Variants in DLG2 observed in about 807,000 individuals in gnomAD.
The protein encoded by DLG2 is disks large homolog 2.
Under a neutral mutation model 132.5 loss-of-function variants are expected in DLG2, and 45 were observed. That is an observed-to-expected ratio of 0.34 (90% CI 0.27 to 0.44). DLG2 has a LOEUF of 0.44. Ranked by LOEUF, DLG2 falls within the 20% of genes least tolerant of loss-of-function variation. DLG2 has a pLI of 1.00. For missense variants in DLG2, 1,045 were observed against 1,196.9 expected, an observed-to-expected ratio of 0.87 and a Z score of 1.87; for synonymous variants, 424 against 419.6, an observed-to-expected ratio of 1.01 and a Z score of -0.13.
At chr11:84,060,943 C>T (rs779672265) in intron 10 of DLG2, among the ~76,000 whole-genome samples, 14 of 152,288 alleles carry the variant, frequency 9.2e-5, no homozygotes, top group South Asian at 8.3e-4. Context: ...CCACAAACGC[C>T]GACCTAGCCT....
chr11:83,700,140 G>T (rs957958057), intron 18 of DLG2, among the ~76,000 whole-genome samples: 2 of 151,888 alleles, frequency 1.3e-5, no homozygotes, highest in Non-Finnish European at 2.9e-5. Context: ...GATAGCAATT[G>T]GTACATACCT....
intron 19 of DLG2, among the ~76,000 whole-genome samples, chr11:83,556,009 TC>T (rs1425207721): frequency 6.6e-6 from 1 of 152,184 alleles, no homozygotes; most frequent in Admixed American, 6.5e-5. Flanking sequence ...TGTCCCGAAC[TC>T]TAATTACAGG....
chr11:85,401,741 T>C (rs1050381174), intron 3 of DLG2, among the ~76,000 whole-genome samples: 1 of 152,088 alleles, frequency 6.6e-6, no homozygotes, highest in African/African-American at 2.4e-5. Context: ...CATTCACAAT[T>C]ACTACAAAGA....
intron 4 of DLG2, among the ~76,000 whole-genome samples, chr11:85,194,716 C>A (rs781126863): frequency 2.0e-5 from 3 of 151,904 alleles, no homozygotes; most frequent in Non-Finnish European, 4.4e-5. Flanking sequence ...TGTCCATCCT[C>A]CTGGCTAAGC....
At chr11:84,877,512 C>CTTTTTTTTTTTTTTTTTTTT (rs60339036) in intron 6 of DLG2, among the ~76,000 whole-genome samples, 1 of 57,452 alleles carries the variant, frequency 1.7e-5, no homozygotes, top group Non-Finnish European at 2.9e-5. Flanking sequence ...GCAACCCCTG[C>CTTTTTTTTTTTTTTTTTTTT]TTTTTTTTTT....
At chr11:83,963,872 A>G (rs1414721980) in intron 13 of DLG2, among the ~76,000 whole-genome samples, 3 of 151,996 alleles carry the variant, frequency 2.0e-5, no homozygotes, top group Non-Finnish European at 4.4e-5. Context: ...CTCATTCTGA[A>G]GATGCAACTG....
intron 3 of DLG2, among the ~76,000 whole-genome samples, chr11:85,551,446 G>A (rs938853652): frequency 6.6e-6 from 1 of 151,842 alleles, no homozygotes; most frequent in African/African-American, 2.4e-5. Context: ...AATTATAATT[G>A]TACCAATGTT....
chr11:84,328,318 C>A (rs2098442888), intron 7 of DLG2, among the ~76,000 whole-genome samples: 1 of 149,462 alleles, frequency 6.7e-6, no homozygotes, highest in Admixed American at 6.7e-5. Context: ...GAAGGGTGGG[C>A]AAGAAGAAGA....
intron 6 of DLG2, among the ~76,000 whole-genome samples, chr11:85,099,663 T>G (rs1029934743): frequency 2.6e-5 from 4 of 152,180 alleles, no homozygotes; most frequent in Admixed American, 2.0e-4. Context: ...TCAAGTGGGA[T>G]TATTCGCTTG....
At chr11:84,525,803 C>A (rs2099318510) in intron 7 of DLG2, among the ~76,000 whole-genome samples, 1 of 152,176 alleles carries the variant, frequency 6.6e-6, no homozygotes, top group Non-Finnish European at 1.5e-5. Context: ...CACTCTATGC[C>A]CCTTTCCTTA....
At chr11:83,694,635 T>C (rs895165084) in intron 18 of DLG2, among the ~76,000 whole-genome samples, 2 of 152,226 alleles carry the variant, frequency 1.3e-5, no homozygotes, top group Non-Finnish European at 2.9e-5. Flanking sequence ...CACGGTCCCA[T>C]TGTTTCTCTT....
Position 84,059,401 on chromosome 11 carries a change from G to A in DLG2, c.833C>T (p.Ala278Val). Residue 278 changes from alanine (A) to valine (V), a missense_variant, in exon 11 of 28, where the codon GCA becomes GTA. By Grantham distance (64) the Ala-to-Val change is moderately conservative (BLOSUM62 0). This residue lies in a region of DLG2 where 109 missense variants were observed against 159.1 expected (regional missense o/e 0.69). Coordinates refer to ENST00000376104, the MANE Select transcript of DLG2 (RefSeq NM_001142699.3). ...HSKAVEALKEAGSIVRLYVRR... is the reference protein window; with the variant it reads ...HSKAVEALKEVGSIVRLYVRR... ...CACATACAGCCGAACGATAGACCCT[G>A]CTTCCTTCAGGGCTTCCACCGCTTT... is the stretch of plus-strand genomic sequence containing the variant. The A allele has an allele frequency of 6.2e-7, 1 of 1,613,430 alleles. No individual in the cohort carries two copies. Among genetic ancestry groups the A allele is most frequent in the Non-Finnish European group, 8.5e-7 (1 of 1,179,720 alleles).
Position 85,011,634 on chromosome 11 carries a change from C to T in DLG2, c.357+100027G>A, listed in dbSNP as rs557577969. Among the ~76,000 whole-genome samples, 350 of 152,266 alleles carry T rather than the reference C, an allele frequency of 2.3e-3. 1 individual carries two copies. Among genetic ancestry groups the T allele is most frequent in the Non-Finnish European group, 3.3e-3 (222 of 68,006 alleles). On this transcript the variant is annotated intron_variant, in intron 6 of 27. Transcript: ENST00000376104. ...CTCAGTTTCTCCATATGTTAAATAACGCAGTTGAGTTAAATTATTCTTAAT... is the reference window on the plus strand; with the variant it reads ...CTCAGTTTCTCCATATGTTAAATAATGCAGTTGAGTTAAATTATTCTTAAT...
rs562127675 is a variant in DLG2 at position 85,051,951 on chromosome 11, T to A, written c.357+59710A>T. 1.1e-4 allele frequency among the ~76,000 whole-genome samples: 17 copies of A among 152,286 alleles called. No homozygotes were observed. In the East Asian group the frequency reaches 2.5e-3, roughly 22 times the overall value. ...AATGTAGTAGCTTTTGTGCTGTAGG[T>A]CTTATCAATCAAAGTGATTAGTAGG... On this transcript the variant is annotated intron_variant, in intron 6 of 27. Transcript: ENST00000376104.
At chr11:84,979,625 G>T (rs1206614189) in intron 6 of DLG2, among the ~76,000 whole-genome samples, 2 of 151,404 alleles carry the variant, frequency 1.3e-5, no homozygotes, top group African/African-American at 2.4e-5. Flanking sequence ...TTGGACACAG[G>T]AAGGGGAACG....
chr11:85,430,287 G>C (rs1448240447), intron 3 of DLG2, among the ~76,000 whole-genome samples: 1 of 151,450 alleles, frequency 6.6e-6, no homozygotes, highest in Non-Finnish European at 1.5e-5. Context: ...CACCAACATG[G>C]CACATATATA....
At chr11:83,820,121 TTCAA>T (rs2050342530) in intron 17 of DLG2, among the ~76,000 whole-genome samples, 3 of 152,206 alleles carry the variant, frequency 2.0e-5, no homozygotes, top group African/African-American at 7.2e-5. Flanking sequence ...GTGTCTCCAG[TTCAA>T]TGCAAAATCT....
intron 6 of DLG2, among the ~76,000 whole-genome samples, chr11:84,759,807 T>C (rs2067363406): frequency 1.3e-5 from 2 of 152,094 alleles, no homozygotes; most frequent in Admixed American, 6.5e-5. Context: ...TCCTTATAAG[T>C]TCAGAAAAGA....
intron 3 of DLG2, among the ~76,000 whole-genome samples, chr11:85,491,509 TAAA>T (rs969147922): frequency 1.3e-5 from 2 of 151,892 alleles, no homozygotes. Flanking sequence ...ATCTTACAAA[TAAA>T]AACACTAACC....
Sources: gnomAD v4.1 joint callset for allele counts (sites outside exome capture counted in the v4.1 genomes callset) on GRCh38, gnomAD v4.1.1 for gene constraint, gnomAD v4.1.1 regional missense constraint, MANE v1.5 for transcripts, NCBI Gene and HGNC (gene_info 2026-07-23, HGNC 2026-07-21) for gene names.